The following GLIS3 variants were observed in gnomAD, a reference collection of about 807,000 sequenced individuals.
The protein encoded by GLIS3 is zinc finger protein GLIS3.
Under a neutral mutation model 78.6 loss-of-function variants are expected in GLIS3, and 53 were observed. The ratio of observed to expected loss-of-function variants is 0.67; its 90% CI spans 0.54 to 0.85. The LOEUF (loss-of-function observed/expected upper bound fraction) is 0.85, where lower values mean the gene tolerates loss of function less well. Ranked by LOEUF, GLIS3 falls within the 40% of genes least tolerant of loss-of-function variation. The probability of loss-of-function intolerance (pLI) is 0.00; values close to 1 mark genes in which losing one functional copy is unlikely to be tolerated. For missense variants in GLIS3, 1,703 were observed against 1,231.1 expected (o/e 1.38, Z -5.74); for synonymous variants, 684 against 509.9 (o/e 1.34, Z -4.60).
chr9:4,465,559 A>G, the GLIS3 span, among the ~76,000 whole-genome samples: 2 of 152,192 alleles, frequency 1.3e-5, no homozygotes, highest in East Asian at 3.8e-4. Flanking sequence ...AAAAAAATAT[A>G]AAAAAGAAAA....
intron 2 of GLIS3, among the ~76,000 whole-genome samples, chr9:4,283,149 T>C (rs1184510833): frequency 6.6e-6 from 1 of 152,052 alleles, no homozygotes; most frequent in Non-Finnish European, 1.5e-5. Flanking sequence ...ATTGCAAAGC[T>C]AGCTCTTTAC....
the GLIS3 span, among the ~76,000 whole-genome samples, chr9:4,482,557 A>C: frequency 6.6e-6 from 1 of 152,326 alleles, no homozygotes; most frequent in Non-Finnish European, 1.5e-5. Context: ...CTCACTTGCC[A>C]CCGCATGAGG....
At chr9:3,930,258 C>T (rs1825531711) in intron 6 of GLIS3, among the ~76,000 whole-genome samples, 1 of 152,172 alleles carries the variant, frequency 6.6e-6, no homozygotes, top group Non-Finnish European at 1.5e-5. Context: ...AAATCCAATT[C>T]AACCACTTGC....
chr9:3,893,904 C>G (rs890303832), intron 7 of GLIS3, among the ~76,000 whole-genome samples: 1 of 152,132 alleles, frequency 6.6e-6, no homozygotes, highest in African/African-American at 2.4e-5. Flanking sequence ...GGTGGGGGCT[C>G]AATTAACAGC....
chr9:3,863,865 C>T (rs1041070074), intron 8 of GLIS3, among the ~76,000 whole-genome samples: 2 of 152,038 alleles, frequency 1.3e-5, no homozygotes, highest in Admixed American at 6.5e-5. Context: ...ATAGGACCCA[C>T]AGCATTGCAG....
chr9:4,360,395 T>C, the GLIS3 span, among the ~76,000 whole-genome samples: 1 of 152,116 alleles, frequency 6.6e-6, no homozygotes, highest in Non-Finnish European at 1.5e-5. Context: ...ACCTGGAAAA[T>C]CATCCCCACC....
At chr9:4,218,900 G>C (rs1306408095) in intron 2 of GLIS3, among the ~76,000 whole-genome samples, 1 of 152,110 alleles carries the variant, frequency 6.6e-6, no homozygotes, top group Non-Finnish European at 1.5e-5. Flanking sequence ...ATCTTCCACA[G>C]AGCACTCATA....
At chr9:4,377,464 GC>G in the GLIS3 span, among the ~76,000 whole-genome samples, 2 of 135,478 alleles carry the variant, frequency 1.5e-5, no homozygotes. Flanking sequence ...TTTGGACTGA[GC>G]CACTACTGGC....
intron 4 of GLIS3, among the ~76,000 whole-genome samples, chr9:3,950,674 C>T (rs998309101): frequency 2.6e-5 from 4 of 152,210 alleles, no homozygotes; most frequent in African/African-American, 9.7e-5. Context: ...TAGTCTCTCA[C>T]ATATATGCCC....
chr9:4,038,099 G>C (rs560842387), intron 4 of GLIS3, among the ~76,000 whole-genome samples: 3 of 152,136 alleles, frequency 2.0e-5, no homozygotes, highest in Admixed American at 6.5e-5. Context: ...TGTTCACCTG[G>C]CTTGGAGGAA....
At chr9:4,379,825 A>G in the GLIS3 span, among the ~76,000 whole-genome samples, 18 of 152,346 alleles carry the variant, frequency 1.2e-4, no homozygotes, top group African/African-American at 4.1e-4. Flanking sequence ...GACAGGTGCA[A>G]AAAGGACCAA....
At chr9:3,901,883 T>A (rs1823330781) in intron 6 of GLIS3, among the ~76,000 whole-genome samples, 1 of 152,130 alleles carries the variant, frequency 6.6e-6, no homozygotes, top group Non-Finnish European at 1.5e-5. Context: ...GAAAAAAAAA[T>A]TCAAGGCTTG....
chr9:4,190,882 C>T lies in GLIS3; in HGVS notation c.389-64941G>A, dbSNP rs1335805273. 2.0e-5 allele frequency among the ~76,000 whole-genome samples: 3 copies of T among 152,180 alleles called. No individual in the cohort carries two copies. In the East Asian group the frequency reaches 5.8e-4, roughly 29 times the overall value. Reference sequence around the variant, plus strand: ...GAAGACAGTGGGGGCCAATATGCAACATTCTTAAAGAAAAGAATTTTCAAC... The same window carrying T: ...GAAGACAGTGGGGGCCAATATGCAATATTCTTAAAGAAAAGAATTTTCAAC... On this transcript the variant is annotated intron_variant, in intron 2 of 10. Transcript: ENST00000381971.
chr9:4,449,845 C>A, the GLIS3 span, among the ~76,000 whole-genome samples: 2 of 152,134 alleles, frequency 1.3e-5, no homozygotes, highest in African/African-American at 4.8e-5. Flanking sequence ...CTGTAGGTCA[C>A]CAGCATCAAG....
At chr9:3,955,488 G>A (rs1348128899) in intron 4 of GLIS3, among the ~76,000 whole-genome samples, 1 of 152,094 alleles carries the variant, frequency 6.6e-6, no homozygotes, top group Non-Finnish European at 1.5e-5. Flanking sequence ...GCTTCAAGAG[G>A]CTGTTGTGAC....
At chr9:4,139,158 T>G (rs1833620698) in intron 2 of GLIS3, among the ~76,000 whole-genome samples, 1 of 152,182 alleles carries the variant, frequency 6.6e-6, no homozygotes. Flanking sequence ...AGAACCTTTC[T>G]TCCATAAATC....
intron 2 of GLIS3, among the ~76,000 whole-genome samples, chr9:4,180,511 C>T (rs1347592234): frequency 6.6e-6 from 1 of 152,150 alleles, no homozygotes; most frequent in Admixed American, 6.5e-5. Context: ...TTGTGACATA[C>T]TGCCCAGTAT....
intron 2 of GLIS3, among the ~76,000 whole-genome samples, chr9:4,168,229 G>C (rs953329843): frequency 2.0e-5 from 3 of 151,766 alleles, no homozygotes; most frequent in African/African-American, 7.3e-5. Flanking sequence ...ACTTGCCAAA[G>C]CTTCAGACTA....
chr9:3,955,222 T>A (rs893218667), intron 4 of GLIS3, among the ~76,000 whole-genome samples: 1 of 152,198 alleles, frequency 6.6e-6, no homozygotes, highest in African/African-American at 2.4e-5. Context: ...GGCCTTCCTA[T>A]CTTTAGTCAT....
Sources: allele counts gnomAD v4.1 joint callset (sites outside exome capture counted in the v4.1 genomes callset), GRCh38; gene constraint gnomAD v4.1.1; transcripts MANE v1.5; gene names NCBI Gene and HGNC (gene_info 2026-07-23, HGNC 2026-07-21).